Variants in RAB21 observed in about 807,000 individuals in gnomAD.
The protein encoded by RAB21 is RAB21, member RAS oncogene family, also known as ras-related protein Rab-21.
Under a neutral mutation model 33.1 loss-of-function variants are expected in RAB21, and 13 were observed. That is an observed-to-expected ratio of 0.39 (90% CI 0.26 to 0.62). The LOEUF (loss-of-function observed/expected upper bound fraction) is 0.62, where lower values mean the gene tolerates loss of function less well. Ranked by LOEUF, RAB21 falls within the 20% of genes least tolerant of loss-of-function variation. The pLI is 0.48. For missense variants in RAB21, 234 were observed against 279.1 expected (o/e 0.84, Z 1.15); for synonymous variants, 91 against 103.7 (o/e 0.88, Z 0.74).
intron 1 of RAB21, 31 bp downstream of exon 1, chr12:71,755,319 C>T (rs1171809223): frequency 6.8e-7 from 1 of 1,481,280 alleles, no homozygotes; most frequent in Non-Finnish European, 8.9e-7. Flanking sequence ...GAGGGGGCGC[C>T]TCAGGGCCCC....
intron 1 of RAB21, among the ~76,000 whole-genome samples, chr12:71,762,218 TA>T (rs1188871602): frequency 9.2e-5 from 14 of 152,250 alleles, no homozygotes; most frequent in Admixed American, 6.5e-5. Context: ...TTTGGACTCC[TA>T]AACTAATTAT....
At chr12:71,770,542 C>T (rs1341244529) in intron 2 of RAB21, 50 bp from the exon 3 acceptor site, 1 of 1,274,330 alleles carries the variant, frequency 7.8e-7, no homozygotes, top group African/African-American at 1.5e-5. Context: ...GTTGCAATCG[C>T]AGATTTGTAT....
At chr12:71,756,596 A>T (rs1460037700) in intron 1 of RAB21, among the ~76,000 whole-genome samples, 1 of 152,236 alleles carries the variant, frequency 6.6e-6, no homozygotes, top group East Asian at 1.9e-4. Flanking sequence ...ATATCTGAAA[A>T]AGTGAGTGCC....
At chr12:71,781,687 A>T (rs933928855) in intron 4 of RAB21, among the ~76,000 whole-genome samples, 1 of 152,152 alleles carries the variant, frequency 6.6e-6, no homozygotes, top group Admixed American at 6.5e-5. Flanking sequence ...TTTTGCTCTT[A>T]CTTTTGATCA....
rs547715750 is a variant in RAB21 at position 71,779,601 on chromosome 12, A to G, written c.392-2430A>G. 1.2e-3 allele frequency among the ~76,000 whole-genome samples: 183 copies of G among 152,332 alleles called. 1 individual carries two copies. Among genetic ancestry groups the G allele is most frequent in the African/African-American group, 4.3e-3 (177 of 41,584 alleles). ...CTAAGCATAATATGATTCTAGTTCTATATCATTAGGCCATTTGCCCTTAGC... is the reference window on the plus strand; with the variant it reads ...CTAAGCATAATATGATTCTAGTTCTGTATCATTAGGCCATTTGCCCTTAGC... On this transcript the variant is annotated intron_variant, in intron 4 of 6. Coordinates refer to ENST00000261263, the MANE Select transcript of RAB21 (RefSeq NM_014999.4).
chr12:71,765,096 G>A (rs951551866), intron 1 of RAB21, among the ~76,000 whole-genome samples: 2 of 152,158 alleles, frequency 1.3e-5, no homozygotes, highest in East Asian at 1.9e-4. Flanking sequence ...AAGTGTTCCC[G>A]TTTCATCACA....
Position 71,790,758 on chromosome 12 carries a change from C to A in RAB21, c.*5085C>A, listed in dbSNP as rs373481930. 2.0e-5 allele frequency: 3 copies of A among 151,842 alleles called. No individual in the cohort carries two copies. In the East Asian group the frequency reaches 5.8e-4, roughly 29 times the overall value. The allele number at this position is 151,842 out of a possible 1,614,324, so 9.4% of individuals were successfully genotyped here. On this transcript the variant is annotated 3_prime_UTR_variant, in exon 7 of 7. Coordinates refer to ENST00000261263, the MANE Select transcript of RAB21 (RefSeq NM_014999.4). Reference sequence around the variant, plus strand: ...AATTTTCACATAAATTGTGTCTTACCCATGTGTTTTGCCATTTGCCTTTTC... The same window carrying A: ...AATTTTCACATAAATTGTGTCTTACACATGTGTTTTGCCATTTGCCTTTTC...
chr12:71,791,561 C>T lies in RAB21; in HGVS notation c.*5888C>T, dbSNP rs572172788. ...AGATAAACTAAAACAAGTCTTTATA[C>T]AACTCTGACAGCAACTCCCATAACA... is the stretch of plus-strand genomic sequence containing the variant. On this transcript the variant is annotated 3_prime_UTR_variant, in exon 7 of 7. Coordinates refer to ENST00000261263, the MANE Select transcript of RAB21 (RefSeq NM_014999.4). 1.3e-5 allele frequency: 2 copies of T among 152,276 alleles called. No homozygotes were observed. Among genetic ancestry groups the T allele is most frequent in the South Asian group, 2.1e-4 (1 of 4,812 alleles). The allele number at this position is 152,276 out of a possible 1,614,324, so 9.4% of individuals were successfully genotyped here.
Position 71,797,032 on chromosome 12 carries a change from A to C in RAB21, c.*11359A>C, listed in dbSNP as rs542669036. 6.6e-6 allele frequency: 1 copy of C among 152,188 alleles called. No homozygotes were observed. Among genetic ancestry groups the C allele is most frequent in the Non-Finnish European group, 1.5e-5 (1 of 68,008 alleles). 9.4% of individuals were successfully genotyped at this position (152,188 alleles called of 1,614,324 possible). A position where few individuals can be genotyped will look rare whatever the true frequency, so the allele number is the denominator to read the frequency against. On this transcript the variant is annotated 3_prime_UTR_variant, in exon 7 of 7. Coordinates refer to ENST00000261263, the MANE Select transcript of RAB21 (RefSeq NM_014999.4). ...TGAGCAGATTCAGAATTTAATAGAC[A>C]CTTCGTGTTTCCATTTTCATAATGG... is the stretch of plus-strand genomic sequence containing the variant.
rs920482228 is a variant in RAB21 at position 71,789,752 on chromosome 12, G to A, written c.*4079G>A. 2 of 152,064 alleles carry A rather than the reference G, an allele frequency of 1.3e-5. No individual in the cohort carries two copies. The highest frequency in any genetic ancestry group is 2.9e-5 in the Non-Finnish European group (2 of 67,968). The allele number at this position is 152,064 out of a possible 1,614,324, so 9.4% of individuals were successfully genotyped here. A position where few individuals can be genotyped will look rare whatever the true frequency, so the allele number is the denominator to read the frequency against. ...GATTTCATAATATGCATTGATTTTA[G>A]TATGTTGCTGTTCTGTTATCTGTAA... is the stretch of plus-strand genomic sequence containing the variant. On this transcript the variant is annotated 3_prime_UTR_variant, in exon 7 of 7. Transcript: ENST00000261263.
chr12:71,762,398 C>T (rs1470491266), intron 1 of RAB21, among the ~76,000 whole-genome samples: 9 of 151,840 alleles, frequency 5.9e-5, no homozygotes, highest in Admixed American at 2.6e-4. Context: ...CTCCGCCTCC[C>T]AGGTTCACGC....
intron 6 of RAB21, among the ~76,000 whole-genome samples, chr12:71,782,924 A>G (rs904187855): frequency 1.3e-5 from 2 of 152,112 alleles, no homozygotes; most frequent in African/African-American, 4.8e-5. Flanking sequence ...CATAAGTATT[A>G]AAAGTGGAAG....
intron 1 of RAB21, among the ~76,000 whole-genome samples, chr12:71,763,792 C>G (rs558708544): frequency 6.6e-6 from 1 of 152,130 alleles, no homozygotes; most frequent in South Asian, 2.1e-4. Context: ...GGTCCAAGAA[C>G]ACTTACTGTC....
At position 71,793,459 on chromosome 12, in the gene RAB21, ATAAAGT is replaced by A. The variant is rs1463523113; in HGVS notation, c.*7791_*7796del. Reference sequence around the variant, plus strand: ...AGGATATTTTTGATATTACAATATAATAAAGTTAAATCATCTAGTCCTCCTGGCCCT... The same window carrying A: ...AGGATATTTTTGATATTACAATATAATAAATCATCTAGTCCTCCTGGCCCT... On this transcript the variant is annotated 3_prime_UTR_variant, in exon 7 of 7. Transcript: ENST00000261263. 1 of 152,352 alleles carries A rather than the reference ATAAAGT, an allele frequency of 6.6e-6. No homozygotes were observed. Among genetic ancestry groups the A allele is most frequent in the East Asian group, 1.9e-4 (1 of 5,190 alleles). 9.4% of individuals were successfully genotyped at this position (152,352 alleles called of 1,614,324 possible). A position where few individuals can be genotyped will look rare whatever the true frequency, so the allele number is the denominator to read the frequency against.
chr12:71,797,975 G>A lies in RAB21; in HGVS notation c.*12302G>A, dbSNP rs1019019535. 6.6e-6 allele frequency: 1 copy of A among 152,120 alleles called. No individual in the cohort carries two copies. Among genetic ancestry groups the A allele is most frequent in the Non-Finnish European group, 1.5e-5 (1 of 68,018 alleles). The allele number at this position is 152,120 out of a possible 1,614,324, so 9.4% of individuals were successfully genotyped here. On this transcript the variant is annotated 3_prime_UTR_variant, in exon 7 of 7. Transcript: ENST00000261263. Reference sequence around the variant, plus strand: ...TAAAGTACCCAAAGAGGTTGTCAGAGAATTTTTAAAGATTTTAGTGTGGTA... The same window carrying A: ...TAAAGTACCCAAAGAGGTTGTCAGAAAATTTTTAAAGATTTTAGTGTGGTA...
At position 71,799,669 on chromosome 12, in the gene RAB21, A is replaced by G. The variant is rs1220456026; in HGVS notation, c.*13996A>G. The G allele has an allele frequency of 1.3e-5, 2 of 152,220 alleles. No individual in the cohort carries two copies. The highest frequency in any genetic ancestry group is 1.9e-4 in the East Asian group (1 of 5,196). The allele number at this position is 152,220 out of a possible 1,614,324, so 9.4% of individuals were successfully genotyped here. ...AAGCTTTGCATATTTAAAAGAAACCATCAACAGGAATATTAAGTTTTTAAA... is the reference window on the plus strand; with the variant it reads ...AAGCTTTGCATATTTAAAAGAAACCGTCAACAGGAATATTAAGTTTTTAAA... On this transcript the variant is annotated 3_prime_UTR_variant, in exon 7 of 7. Coordinates refer to ENST00000261263, the MANE Select transcript of RAB21 (RefSeq NM_014999.4).
At position 71,795,181 on chromosome 12, in the gene RAB21, T is replaced by G. The variant is rs187726432; in HGVS notation, c.*9508T>G. 3.9e-5 allele frequency: 6 copies of G among 152,294 alleles called. No homozygotes were observed. The East Asian group carries it at 1.2e-3, about 29-fold the overall frequency. The allele number at this position is 152,294 out of a possible 1,614,324, so 9.4% of individuals were successfully genotyped here. A position where few individuals can be genotyped will look rare whatever the true frequency, so the allele number is the denominator to read the frequency against. ...ATTCTAGGAATATGGATGGATTTCA[T>G]TAGAGAAATAAAAATGAGCAAGATT... On this transcript the variant is annotated 3_prime_UTR_variant, in exon 7 of 7. Transcript: ENST00000261263.
Position 71,794,753 on chromosome 12 carries a change from T to C in RAB21, c.*9080T>C, listed in dbSNP as rs1280229260. 2 of 146,364 alleles carry C rather than the reference T, an allele frequency of 1.4e-5. No homozygotes were observed. The highest frequency in any genetic ancestry group is 6.8e-5 in the Admixed American group (1 of 14,604). The allele number at this position is 146,364 out of a possible 1,614,324, so 9.1% of individuals were successfully genotyped here. On this transcript the variant is annotated 3_prime_UTR_variant, in exon 7 of 7. Coordinates refer to ENST00000261263, the MANE Select transcript of RAB21 (RefSeq NM_014999.4). ...GAGCCCAGCTATATTTATAAATTTATATATATTTCATATATATATTATATA... is the reference window on the plus strand; with the variant it reads ...GAGCCCAGCTATATTTATAAATTTACATATATTTCATATATATATTATATA...
intron 6 of RAB21, among the ~76,000 whole-genome samples, chr12:71,783,211 G>C (rs1592650457): frequency 6.6e-6 from 1 of 151,674 alleles, no homozygotes; most frequent in East Asian, 1.9e-4. Flanking sequence ...GGATGCTTAG[G>C]GTTATTCATG....
Sources: allele counts gnomAD v4.1 joint callset (sites outside exome capture counted in the v4.1 genomes callset), GRCh38; gene constraint gnomAD v4.1.1; transcripts MANE v1.5; gene names NCBI Gene and HGNC (gene_info 2026-07-23, HGNC 2026-07-21).